RAD51B: variants seen among roughly 807,000 people sequenced by gnomAD.
RAD51B encodes the protein RAD51 paralog B, also known as DNA repair protein RAD51 homolog 2.
RAD51B carries 38 observed loss-of-function variants against 42.2 expected under a neutral mutation model. The ratio of observed to expected loss-of-function variants is 0.90; its 90% CI spans 0.70 to 1.18. The LOEUF (loss-of-function observed/expected upper bound fraction) is 1.18, where lower values mean the gene tolerates loss of function less well. RAD51B is among the 50% of genes most tolerant of loss of function. The probability of loss-of-function intolerance (pLI) is 0.00; values close to 1 mark genes in which losing one functional copy is unlikely to be tolerated. For synonymous variants in RAD51B, 154 were observed against 145.2 expected (o/e 1.06, Z -0.43); for missense variants, 373 against 400.7 (o/e 0.93, Z 0.59).
At chr14:68,072,066 TA>T (rs1730218919) in intron 7 of RAD51B, among the ~76,000 whole-genome samples, 1 of 93,564 alleles carries the variant, frequency 1.1e-5, no homozygotes, top group Non-Finnish European at 2.0e-5. Flanking sequence ...TATATATTTA[TA>T]TAAATATATA....
At chr14:68,435,585 C>A (rs2085128340) in intron 9 of RAD51B, among the ~76,000 whole-genome samples, 1 of 141,098 alleles carries the variant, frequency 7.1e-6, no homozygotes, top group African/African-American at 2.6e-5. Context: ...TTTTTAAGTT[C>A]TTTGCAAAAT....
At position 67,864,992 on chromosome 14, in the gene RAD51B, T is replaced by TTTTTTTTTTTTTTTTTTTTTTTTC; in HGVS notation, c.316-3_316-2insTTTTTTTTTTTTTTTCTTTTTTTT. On this transcript the variant is annotated splice_polypyrimidine_tract_variant and intron_variant, in intron 4 of 10. Transcript: ENST00000471583. The stretch of plus-strand genomic sequence containing the variant: ...TTTTTTTTTTTTTTTTTTTTTTTTT[T>TTTTTTTTTTTTTTTTTTTTTTTTC]TTTTTTTTAGATTACAGGTCCACCA... The TTTTTTTTTTTTTTTTTTTTTTTTC allele has an allele frequency of 7.5e-7, 1 of 1,324,934 alleles. No individual in the cohort carries two copies. The highest frequency in any genetic ancestry group is 1.9e-5 in the South Asian group (1 of 53,312). The allele number at this position is 1,324,934 out of a possible 1,614,324, so 82.1% of individuals were successfully genotyped here.
intron 10 of RAD51B, among the ~76,000 whole-genome samples, chr14:68,513,039 A>T (rs1472606672): frequency 6.6e-6 from 1 of 152,152 alleles, no homozygotes; most frequent in Non-Finnish European, 1.5e-5. Flanking sequence ...AGTAGAGTGA[A>T]AAAAGGGGAC....
intron 8 of RAD51B, among the ~76,000 whole-genome samples, chr14:68,349,424 T>A (rs1431006079): frequency 6.6e-6 from 1 of 152,172 alleles, no homozygotes; most frequent in African/African-American, 2.4e-5. Flanking sequence ...TGGAGTGCAG[T>A]GGCACCATCT....
chr14:68,090,027 A>T (rs11846526), intron 7 of RAD51B, among the ~76,000 whole-genome samples: 66,056 of 152,024 alleles, frequency 0.43, 16,868 homozygotes, highest in African/African-American at 0.71. Context: ...GTTACATATT[A>T]AAAATTCAAG....
intron 7 of RAD51B, among the ~76,000 whole-genome samples, chr14:68,148,592 A>G (rs1446488042): frequency 6.6e-6 from 1 of 152,230 alleles, no homozygotes; most frequent in Non-Finnish European, 1.5e-5. Flanking sequence ...ATATGCATGC[A>G]GTAGAAACTA....
At chr14:67,980,591 T>C (rs1019746993) in intron 7 of RAD51B, among the ~76,000 whole-genome samples, 9 of 152,188 alleles carry the variant, frequency 5.9e-5, no homozygotes, top group Non-Finnish European at 1.5e-5. Context: ...AACAGATTCT[T>C]ATGTACATGG....
At chr14:68,032,094 A>G (rs925319753) in intron 7 of RAD51B, among the ~76,000 whole-genome samples, 5 of 152,174 alleles carry the variant, frequency 3.3e-5, no homozygotes, top group African/African-American at 1.2e-4. Flanking sequence ...CAAATTATGT[A>G]TCTCTCAGCC....
chr14:68,569,078 G>A (rs1889564664), intron 10 of RAD51B, among the ~76,000 whole-genome samples: 1 of 152,140 alleles, frequency 6.6e-6, no homozygotes, highest in African/African-American at 2.4e-5. Context: ...TGTGGTTCTT[G>A]GCACCTCTCA....
chr14:68,040,851 A>G (rs1303808179), intron 7 of RAD51B, among the ~76,000 whole-genome samples: 1 of 152,212 alleles, frequency 6.6e-6, no homozygotes, highest in African/African-American at 2.4e-5. Context: ...CATTTGAACA[A>G]GATCCTCCAG....
At chr14:67,834,996 G>A in intron 3 of RAD51B, 84 bp from the exon 4 acceptor site, 1 of 1,044,008 alleles carries the variant, frequency 9.6e-7, no homozygotes, top group Non-Finnish European at 1.4e-6. Flanking sequence ...GGTTAAAATT[G>A]CTAAAATTTA....
intron 10 of RAD51B, among the ~76,000 whole-genome samples, chr14:68,496,836 C>G (rs183589330): frequency 3.9e-4 from 59 of 152,352 alleles, no homozygotes; most frequent in Non-Finnish European, 1.0e-4. Flanking sequence ...ACAGTTCCAT[C>G]AACAGACTAC....
intron 8 of RAD51B, among the ~76,000 whole-genome samples, chr14:68,349,519 C>T (rs933393573): frequency 7.2e-5 from 11 of 152,038 alleles, no homozygotes; most frequent in Admixed American, 2.6e-4. Flanking sequence ...GGTTCGTGCC[C>T]GACGCCCAGC....
At chr14:68,344,053 A>G (rs2082622464) in intron 8 of RAD51B, among the ~76,000 whole-genome samples, 1 of 152,212 alleles carries the variant, frequency 6.6e-6, no homozygotes, top group Non-Finnish European at 1.5e-5. Context: ...CTTACAGAGA[A>G]CCTCTACTAG....
chr14:67,911,334 T>C (rs1338628766), intron 7 of RAD51B, among the ~76,000 whole-genome samples: 1 of 152,246 alleles, frequency 6.6e-6, no homozygotes, highest in African/African-American at 2.4e-5. Context: ...CCTAGTTCAA[T>C]TGAATCAAAA....
chr14:68,066,242 A>C (rs768908224), intron 7 of RAD51B, among the ~76,000 whole-genome samples: 18 of 152,296 alleles, frequency 1.2e-4, no homozygotes, highest in Middle Eastern at 3.5e-3. Flanking sequence ...TGTAAAGAAC[A>C]TGATTTCATA....
intron 7 of RAD51B, among the ~76,000 whole-genome samples, chr14:67,987,330 G>A (rs1441543691): frequency 1.3e-5 from 2 of 151,768 alleles, no homozygotes; most frequent in African/African-American, 4.8e-5. Flanking sequence ...TCCACCTCCC[G>A]CTAAGTCCCC....
At position 68,647,751 on chromosome 14, in the gene RAD51B, T is replaced by A. The variant is rs549385722; in HGVS notation, c.1037-3030T>A. Among the ~76,000 whole-genome samples, 14 of 152,234 alleles carry A rather than the reference T, an allele frequency of 9.2e-5. No homozygotes were observed. In the South Asian group the frequency reaches 2.9e-3, roughly 32 times the overall value. The stretch of plus-strand genomic sequence containing the variant: ...TGGAGTGCAATGGTGCAATCTTTGC[T>A]CACCGCAACCTCTGCCTCCCAGGTT... On this transcript the variant is annotated intron_variant, in intron 10 of 11. Coordinates refer to the RAD51B transcript ENST00000488612.
intron 9 of RAD51B, among the ~76,000 whole-genome samples, chr14:68,448,333 T>C (rs543970329): frequency 3.3e-5 from 5 of 152,236 alleles, no homozygotes; most frequent in Non-Finnish European, 5.9e-5. Flanking sequence ...AAGCTGGAAG[T>C]ACAGGCATTT....
Sources: allele counts gnomAD v4.1 joint callset (sites outside exome capture counted in the v4.1 genomes callset), GRCh38; gene constraint gnomAD v4.1.1; transcripts MANE v1.5; gene names NCBI Gene and HGNC (gene_info 2026-07-23, HGNC 2026-07-21).